The following CYGB variants were observed in gnomAD, a reference collection of about 807,000 sequenced individuals.
CYGB encodes cytoglobin, also known as histoglobin.
Under a neutral mutation model 20.7 loss-of-function variants are expected in CYGB, and 13 were observed. That is an observed-to-expected ratio of 0.63 (90% CI 0.41 to 1.00). The LOEUF is 1.00. Among genes scored for constraint, CYGB ranks in the 50% least tolerant of loss-of-function variants. CYGB has a pLI of 0.00. For synonymous variants in CYGB, 93 were observed against 107.4 expected (o/e 0.87, Z 0.83); for missense variants, 218 against 257.2 (o/e 0.85, Z 1.04).
chr17:76,530,264 C>T lies in CYGB; in HGVS notation c.539+715G>A, dbSNP rs2074820247. ...CCAGAGTCAGCCTCCCCTTGGGGGCCCAGGGAGGCCGAGTGTTCCCAACCG... is the reference window on the plus strand; with the variant it reads ...CCAGAGTCAGCCTCCCCTTGGGGGCTCAGGGAGGCCGAGTGTTCCCAACCG... On this transcript the variant is annotated intron_variant, in intron 3 of 3. Transcript: ENST00000293230. The surrounding 1 kb of genome is among the most constrained non-coding windows in gnomAD (Gnocchi z 6.1). Among the ~76,000 whole-genome samples the T allele has an allele frequency of 6.6e-6, 1 of 152,092 alleles. No homozygotes were observed. The highest frequency in any genetic ancestry group is 2.4e-5 in the African/African-American group (1 of 41,410).
At position 76,533,349 on chromosome 17, in the gene CYGB, T is replaced by G. The variant is rs1461847447; in HGVS notation, c.144-1658A>C. Among the ~76,000 whole-genome samples, 1 of 152,194 alleles carries G rather than the reference T, an allele frequency of 6.6e-6. No homozygotes were observed. Among genetic ancestry groups the G allele is most frequent in the Non-Finnish European group, 1.5e-5 (1 of 68,028 alleles). On this transcript the variant is annotated intron_variant, in intron 1 of 3. Coordinates refer to ENST00000293230, the MANE Select transcript of CYGB (RefSeq NM_134268.5). The surrounding 1 kb of genome is among the most constrained non-coding windows in gnomAD (Gnocchi z 4.5). ...TACATTGAATTTTCTGGAGAAGCAC[T>G]GTAATGAGGGACAAATGTGAAAAAC...
At chr17:76,537,249 G>T (rs948856002) in intron 1 of CYGB, 151 bp downstream of exon 1, 4 of 847,992 alleles carry the variant, frequency 4.7e-6, no homozygotes, top group Non-Finnish European at 6.6e-6. Context: ...ACCCCAAGGC[G>T]CCCCACGCCG....
At chr17:76,545,794 C>A in intron 1 of CYGB, 1 of 209,448 alleles carries the variant, frequency 4.8e-6, no homozygotes, top group Non-Finnish European at 9.8e-6. Flanking sequence ...TGGCACAATC[C>A]GGTTTGAACT....
rs874264 is a variant in CYGB, at chr17:76,542,770, G to A, written c.-53+8092C>T. Reference sequence around the variant, plus strand: ...CCACTGATGGAGGTTCAAAGTAGGCGGATGGACTCATGCCTTTGGCTGCTA... The same window carrying A: ...CCACTGATGGAGGTTCAAAGTAGGCAGATGGACTCATGCCTTTGGCTGCTA... On this transcript the variant is annotated intron_variant, in intron 1 of 3. Transcript: ENST00000589145. The A allele has an allele frequency of 0.023, 15,476 of 681,154 alleles. 1,586 individuals are homozygous for A. The African/African-American group carries it at 0.23, about 10-fold the overall frequency. The allele number at this position is 681,154 out of a possible 1,614,324, so 42.2% of individuals were successfully genotyped here.
Position 76,537,564 on chromosome 17 carries a change from G to T in CYGB, c.-22C>A. On this transcript the variant is annotated 5_prime_UTR_variant, in exon 1 of 4. Coordinates refer to ENST00000293230, the MANE Select transcript of CYGB (RefSeq NM_134268.5). ...CCATGAGCAGCTCCAAGCCCAGCCC[G>T]GCTTTGCTCGGCGGCGGCGGTGGCG... is the stretch of plus-strand genomic sequence containing the variant. 7.6e-7 allele frequency: 1 copy of T among 1,318,940 alleles called. No homozygotes were observed. Among genetic ancestry groups the T allele is most frequent in the African/African-American group, 1.5e-5 (1 of 66,488 alleles). The allele number at this position is 1,318,940 out of a possible 1,614,324, so 81.7% of individuals were successfully genotyped here.
rs2074933249 is a variant in CYGB, at chr17:76,537,539, C to T, written c.4G>A (p.Glu2Lys). M[E>K]KVPGEMEIER... ...ATCTCCATCTCGCCTGGCACTTTCT[C>T]CATGAGCAGCTCCAAGCCCAGCCCG... Residue 2 changes from glutamate (E) to lysine (K), a missense_variant, in exon 1 of 4, where the codon GAG becomes AAG. Coordinates refer to ENST00000293230, the MANE Select transcript of CYGB (RefSeq NM_134268.5). 2 of 1,546,618 alleles carry T rather than the reference C, an allele frequency of 1.3e-6. No homozygotes were observed. Among genetic ancestry groups the T allele is most frequent in the Admixed American group, 3.8e-5 (2 of 53,276 alleles).
At position 76,544,997 on chromosome 17, in the gene CYGB, C is replaced by T. The variant is rs780340686; in HGVS notation, c.-53+5865G>A. ...AGAGGAAGGGGCTGCTGGCGGCCAG[C>T]GGGGCTGTGGCTGCCTGGGCTTGGA... On this transcript the variant is annotated intron_variant, in intron 1 of 3. Coordinates refer to the CYGB transcript ENST00000589145. 65 of 441,116 alleles carry T rather than the reference C, an allele frequency of 1.5e-4. No homozygotes were observed. The highest frequency in any genetic ancestry group is 2.6e-4 in the African/African-American group (12 of 46,100). The allele number at this position is 441,116 out of a possible 1,614,324, so 27.3% of individuals were successfully genotyped here.
chr17:76,534,146 T>TCTCTCTCTC (rs2074885915), intron 1 of CYGB, among the ~76,000 whole-genome samples: 4 of 128,902 alleles, frequency 3.1e-5, no homozygotes, highest in African/African-American at 8.2e-5. Context: ...CTCTTTCTCT[T>TCTCTCTCTC]TCTCTCTCTC....
At chr17:76,535,907 C>T (rs906121080) in intron 1 of CYGB, among the ~76,000 whole-genome samples, 9 of 152,214 alleles carry the variant, frequency 5.9e-5, no homozygotes, top group African/African-American at 1.4e-4. Context: ...GACCCTGCCT[C>T]GCTTCTTCAT....
At position 76,528,074 on chromosome 17, in the gene CYGB, C is replaced by T. The variant is rs776964968; in HGVS notation, c.*504G>A. Reference sequence around the variant, plus strand: ...TGCCCCACTCACAGGTGGGCCAAACCGAGGCTTCTGGGCGCCGCGGATACA... The same window carrying T: ...TGCCCCACTCACAGGTGGGCCAAACTGAGGCTTCTGGGCGCCGCGGATACA... On this transcript the variant is annotated 3_prime_UTR_variant, in exon 4 of 4. Coordinates refer to ENST00000293230, the MANE Select transcript of CYGB (RefSeq NM_134268.5). This position sits in a 1 kb window ranked among gnomAD's most constrained non-coding sequence, Gnocchi z 5.8. The T allele has an allele frequency of 2.8e-5, 10 of 360,476 alleles. No homozygotes were observed. Among genetic ancestry groups the T allele is most frequent in the Non-Finnish European group, 5.2e-5 (10 of 192,678 alleles). The allele number at this position is 360,476 out of a possible 1,614,324, so 22.3% of individuals were successfully genotyped here. A position where few individuals can be genotyped will look rare whatever the true frequency, so the allele number is the denominator to read the frequency against.
intron 1 of CYGB, among the ~76,000 whole-genome samples, chr17:76,549,376 C>A (rs1324385201): frequency 6.6e-6 from 1 of 152,176 alleles, no homozygotes; most frequent in Admixed American, 6.5e-5. Flanking sequence ...GCCTGTAATA[C>A]CAGCACTTTG....
At position 76,536,910 on chromosome 17, in the gene CYGB, C is replaced by G. The variant is rs1415868443; in HGVS notation, c.143+490G>C. On this transcript the variant is annotated intron_variant, in intron 1 of 3. Transcript: ENST00000293230. Reference sequence around the variant, plus strand: ...CCCCCCGGGCTCTCCTCTTTCTCAACCTCTGCTCTTTGCTCTCTGTTCTTC... The same window carrying G: ...CCCCCCGGGCTCTCCTCTTTCTCAAGCTCTGCTCTTTGCTCTCTGTTCTTC... Among the ~76,000 whole-genome samples, 3 of 152,332 alleles carry G rather than the reference C, an allele frequency of 2.0e-5. No individual in the cohort carries two copies. The East Asian group carries it at 5.8e-4, about 29-fold the overall frequency.
chr17:76,530,145 T>G lies in CYGB; in HGVS notation c.539+834A>C. 9.5e-6 allele frequency: 9 copies of G among 947,948 alleles called. No homozygotes were observed. Among genetic ancestry groups the G allele is most frequent in the South Asian group, 4.9e-5 (1 of 20,528 alleles). The allele number at this position is 947,948 out of a possible 1,614,324, so 58.7% of individuals were successfully genotyped here. A position where few individuals can be genotyped will look rare whatever the true frequency, so the allele number is the denominator to read the frequency against. On this transcript the variant is annotated intron_variant, in intron 3 of 3. Transcript: ENST00000293230. The surrounding 1 kb of genome is among the most constrained non-coding windows in gnomAD (Gnocchi z 6.1). ...CGGGAATGTTTCTCTACCACGCGTG[T>G]CCCGGGCTGCTGGCTGACCTCTGCT...
chr17:76,541,831 CTA>C (rs1158453783), upstream of CYGB, among the ~76,000 whole-genome samples: 2 of 152,150 alleles, frequency 1.3e-5, no homozygotes, highest in Admixed American at 6.6e-5. Context: ...AATGGAAAGA[CTA>C]TGGGGGAAAT....
chr17:76,542,592 TG>T (rs1390991503), upstream of CYGB: 2 of 1,613,728 alleles, frequency 1.2e-6, no homozygotes, highest in African/African-American at 2.7e-5. Flanking sequence ...CCTCTGCAGG[TG>T]GGGCTCAGGC....
chr17:76,548,269 T>C (rs1319915085), intron 1 of CYGB, among the ~76,000 whole-genome samples: 2 of 151,918 alleles, frequency 1.3e-5, no homozygotes. Context: ...CAGATACACA[T>C]AAACATACAT....
upstream of CYGB, among the ~76,000 whole-genome samples, chr17:76,541,300 G>C (rs2074990667): frequency 6.6e-6 from 1 of 152,200 alleles, no homozygotes; most frequent in South Asian, 2.1e-4. Context: ...CCTAGCGTGG[G>C]AGACCTGTCT....
upstream of CYGB, chr17:76,542,434 G>C (rs1389822425): frequency 3.5e-6 from 4 of 1,155,654 alleles, no homozygotes; most frequent in Non-Finnish European, 5.2e-6. Flanking sequence ...TTCCTTAGGT[G>C]GTCCTGCCCC....
In CYGB at chr17:76,528,591, G is replaced by A; in HGVS notation, c.560C>T (p.Ser187Phe). The A allele has an allele frequency of 7.8e-7, 1 of 1,289,264 alleles. No homozygotes were observed. Among genetic ancestry groups the A allele is most frequent in the South Asian group, 3.1e-5 (1 of 32,174 alleles). The allele number at this position is 1,289,264 out of a possible 1,614,324, so 79.9% of individuals were successfully genotyped here. Reference sequence around the variant, plus strand: ...GAGTTAGGGGTCCTACGGCCCCGAAGAGGGCAGTGTGGCCGGTGGGCTGTG... The same window carrying A: ...GAGTTAGGGGTCCTACGGCCCCGAAAAGGGCAGTGTGGCCGGTGGGCTGTG... ...NATTPPATLP[S>F]SGP The change falls in exon 4 of 4, where the codon TCT becomes TTT. Residue 187 changes from serine (S) to phenylalanine (F), a missense_variant. Coordinates refer to ENST00000293230, the MANE Select transcript of CYGB (RefSeq NM_134268.5). The surrounding 1 kb of genome is among the most constrained non-coding windows in gnomAD (Gnocchi z 5.8).
Sources: gnomAD v4.1 joint callset for allele counts (sites outside exome capture counted in the v4.1 genomes callset) on GRCh38, gnomAD v4.1.1 for gene constraint, Gnocchi (gnomAD v3.1) non-coding constraint, MANE v1.5 for transcripts, NCBI Gene and HGNC (gene_info 2026-07-23, HGNC 2026-07-21) for gene names.